The following TCF20 variants were observed in gnomAD, a reference collection of about 807,000 sequenced individuals.
The protein encoded by TCF20 is transcription factor 20.
A neutral mutation model predicts 148.6 loss-of-function variants in TCF20; 3 were observed. The observed-to-expected ratio is 0.02, with a 90% confidence interval of 0.01 to 0.05. TCF20 has a LOEUF of 0.05. Among genes scored for constraint, TCF20 ranks in the 10% least tolerant of loss-of-function variants. TCF20 has a pLI of 1.00. For missense variants in TCF20, 2,350 were observed against 2,429.3 expected, an observed-to-expected ratio of 0.97 and a Z score of 0.69; for synonymous variants, 1,049 against 909.5, an observed-to-expected ratio of 1.15 and a Z score of -2.76.
intron 5 of TCF20, among the ~76,000 whole-genome samples, chr22:42,165,701 A>T (rs574252775): frequency 9.9e-4 from 150 of 152,120 alleles, no homozygotes; most frequent in Non-Finnish European, 1.7e-3. Context: ...GACCCCTCCA[A>T]CTCCCAAGAG....
chr22:42,271,321 G>C (rs1350711828), upstream of TCF20, among the ~76,000 whole-genome samples: 1 of 152,254 alleles, frequency 6.6e-6, no homozygotes, highest in East Asian at 1.9e-4. Flanking sequence ...GGACGCTCCA[G>C]CTGCCTTCTG....
chr22:42,261,679 A>T (rs1006591160), intron 1 of TCF20, among the ~76,000 whole-genome samples: 5 of 152,310 alleles, frequency 3.3e-5, no homozygotes, highest in African/African-American at 1.2e-4. Flanking sequence ...GGCTTGCCAG[A>T]GTGCTATGGA....
Position 42,211,286 on chromosome 22 carries a change from T to A in TCF20, c.4020A>T (p.Lys1340Asn), listed in dbSNP as rs749580157. Residue 1340 changes from lysine (K) to asparagine (N), a missense_variant, in exon 2 of 6, where the codon AAA becomes AAT. Physicochemically the swap from Lys to Asn is moderately conservative, Grantham distance 94. This residue lies in a region of TCF20 where 1,641 missense variants were observed against 1,662.6 expected (regional missense o/e 0.99). Coordinates refer to ENST00000677622, the MANE Select transcript of TCF20 (RefSeq NM_001378418.1). Reference sequence around the variant, plus strand: ...CCCGTCCTTTCCGTGGGGGCAGTATTTTGGTCTTAGCAGGGCTTGTGAGGG... The same window carrying A: ...CCCGTCCTTTCCGTGGGGGCAGTATATTGGTCTTAGCAGGGCTTGTGAGGG... ...AVTLTSPAKTKILPPRKGRGL... is the reference protein window; with the variant it reads ...AVTLTSPAKTNILPPRKGRGL... 1 of 1,614,082 alleles carries A rather than the reference T, an allele frequency of 6.2e-7. No individual in the cohort carries two copies. The highest frequency in any genetic ancestry group is 2.2e-5 in the East Asian group (1 of 44,876).
chr22:42,175,401 C>T (rs773976852), intron 3 of TCF20, among the ~76,000 whole-genome samples: 2 of 152,060 alleles, frequency 1.3e-5, no homozygotes, highest in Non-Finnish European at 2.9e-5. Context: ...AGTGCAGTGG[C>T]GTGATCTCAG....
rs1927262075 is a variant in TCF20 at position 42,297,767 on chromosome 22, C to T, written c.-37+45712G>A. ...CAAACCACAACAGAAGGCCTCGGGT[C>T]GCATCCCCCCACCAGCTGGGGCCCC... On this transcript the variant is annotated intron_variant, in intron 1 of 1. Coordinates refer to the TCF20 transcript ENST00000515426. This position sits in a 1 kb window ranked among gnomAD's most constrained non-coding sequence, Gnocchi z 4.3. Among the ~76,000 whole-genome samples the T allele has an allele frequency of 1.3e-5, 2 of 152,306 alleles. No homozygotes were observed. Among genetic ancestry groups the T allele is most frequent in the South Asian group, 2.1e-4 (1 of 4,832 alleles).
chr22:42,204,459 C>T (rs1938251986), intron 2 of TCF20, among the ~76,000 whole-genome samples: 1 of 152,190 alleles, frequency 6.6e-6, no homozygotes, highest in African/African-American at 2.4e-5. Context: ...CATGCCACTG[C>T]ACTCCAGCCT....
chr22:42,314,916 G>A (rs1404296541), intron 1 of TCF20, among the ~76,000 whole-genome samples: 1 of 152,130 alleles, frequency 6.6e-6, no homozygotes, highest in African/African-American at 2.4e-5. Context: ...GGAGGTGGCA[G>A]AGCGGAAGGC....
intron 1 of TCF20, among the ~76,000 whole-genome samples, chr22:42,237,842 T>C (rs974427424): frequency 4.6e-5 from 7 of 152,250 alleles, no homozygotes; most frequent in African/African-American, 1.7e-4. Flanking sequence ...ACAGTGGCCT[T>C]AAAATATTCA....
At chr22:42,167,402 A>G (rs1025582162) in intron 5 of TCF20, among the ~76,000 whole-genome samples, 2 of 152,244 alleles carry the variant, frequency 1.3e-5, no homozygotes, top group African/African-American at 4.8e-5. Context: ...TGTGTGAGTC[A>G]AACTCCTGAG....
rs190441511 is a variant in TCF20, at chr22:42,243,366, G to T, written c.-37+26973C>A. Among the ~76,000 whole-genome samples the T allele has an allele frequency of 2.0e-5, 3 of 149,684 alleles. No individual in the cohort carries two copies. The East Asian group carries it at 6.0e-4, about 30-fold the overall frequency. On this transcript the variant is annotated intron_variant, in intron 1 of 5. Transcript: ENST00000677622. ...GCCTGTAATCCCAGCACTTTGGGAG[G>T]CTGAGGTGGACTGATCACTTGACGT... is the stretch of plus-strand genomic sequence containing the variant.
At chr22:42,312,771 T>C (rs1256970355) in intron 1 of TCF20, among the ~76,000 whole-genome samples, 1 of 152,120 alleles carries the variant, frequency 6.6e-6, no homozygotes, top group African/African-American at 2.4e-5. Context: ...AGCCAGGAGC[T>C]GCAAGTCCCT....
Position 42,214,321 on chromosome 22 carries a change from T to A in TCF20, c.985A>T (p.Met329Leu). ...TTGGTGGCAGCGTTAGTATACTGCA[T>A]CACATGCTGAGAAGGGTGTTGTTGT... ...QQQQHPSQHV[M>L]QYTNAATKLP... Residue 329 changes from methionine to leucine, a missense_variant, in exon 2 of 6, where the codon ATG (methionine) becomes TTG (leucine). This residue lies in a region of TCF20 where 1,641 missense variants were observed against 1,662.6 expected (regional missense o/e 0.99). Transcript: ENST00000677622. 3.1e-6 allele frequency: 5 copies of A among 1,614,212 alleles called. No homozygotes were observed. Among genetic ancestry groups the A allele is most frequent in the African/African-American group, 1.3e-5 (1 of 75,046 alleles).
chr22:42,318,473 T>A (rs1158357442), intron 1 of TCF20, among the ~76,000 whole-genome samples: 1 of 152,170 alleles, frequency 6.6e-6, no homozygotes, highest in South Asian at 2.1e-4. Context: ...GGTAAATTCA[T>A]TTTGGAAGAA....
intron 1 of TCF20, among the ~76,000 whole-genome samples, chr22:42,228,119 T>A (rs1384463968): frequency 6.6e-6 from 1 of 152,180 alleles, no homozygotes; most frequent in African/African-American, 2.4e-5. Context: ...AGTTCTTAAA[T>A]GGCTCCTCTG....
intron 1 of TCF20, among the ~76,000 whole-genome samples, chr22:42,219,273 T>C (rs778886257): frequency 1.4e-5 from 2 of 146,916 alleles, no homozygotes; most frequent in Non-Finnish European, 3.0e-5. Context: ...GGTAGGACGA[T>C]TGCTTGAACT....
intron 1 of TCF20, among the ~76,000 whole-genome samples, chr22:42,309,046 G>GAC (rs1474226656): frequency 3.9e-5 from 6 of 152,114 alleles, no homozygotes; most frequent in African/African-American, 1.4e-4. Flanking sequence ...GGCCTCACAG[G>GAC]ACACCCTGGC....
intron 1 of TCF20, among the ~76,000 whole-genome samples, chr22:42,257,237 A>G (rs1925793458): frequency 6.6e-6 from 1 of 152,204 alleles, no homozygotes; most frequent in Non-Finnish European, 1.5e-5. Context: ...TTCTTCACCT[A>G]AACCGCTAAT....
At chr22:42,307,181 G>A (rs1294992667) in intron 1 of TCF20, among the ~76,000 whole-genome samples, 7 of 152,200 alleles carry the variant, frequency 4.6e-5, no homozygotes. Context: ...AGCAGCAGAG[G>A]ACGCCGGCTG....
Position 42,204,061 on chromosome 22 carries a change from T to C in TCF20, c.5655+5590A>G, listed in dbSNP as rs17002878. ...TTTGATGTTTTAATATGTGATTTCA[T>C]TTTCATAATGTAATCAATCTATTTT... On this transcript the variant is annotated intron_variant, in intron 2 of 5. Coordinates refer to ENST00000677622, the MANE Select transcript of TCF20 (RefSeq NM_001378418.1). Among the ~76,000 whole-genome samples the C allele has an allele frequency of 1.4e-3, 207 of 152,364 alleles. 5 individuals carry two copies. In the East Asian group the frequency reaches 0.037, roughly 28 times the overall value.
Sources: gnomAD v4.1 joint callset for allele counts (sites outside exome capture counted in the v4.1 genomes callset) on GRCh38, gnomAD v4.1.1 for gene constraint, gnomAD v4.1.1 regional missense constraint, Gnocchi (gnomAD v3.1) non-coding constraint, MANE v1.5 for transcripts, NCBI Gene and HGNC (gene_info 2026-07-23, HGNC 2026-07-21) for gene names.